CACNB4: variants seen among roughly 807,000 people sequenced by gnomAD.
The protein encoded by CACNB4 is calcium voltage-gated channel auxiliary subunit beta 4.
Under a neutral mutation model 71.2 loss-of-function variants are expected in CACNB4, and 32 were observed. The observed-to-expected ratio is 0.45, with a 90% CI of 0.34 to 0.60. The LOEUF (loss-of-function observed/expected upper bound fraction) is 0.60, where lower values mean the gene tolerates loss of function less well. CACNB4 is among the 20% of genes least tolerant of loss of function. CACNB4 has a pLI of 0.01. For missense variants in CACNB4, 464 were observed against 647.9 expected, an observed-to-expected ratio of 0.72 and a Z score of 3.08; for synonymous variants, 231 against 236.9, an observed-to-expected ratio of 0.97 and a Z score of 0.23.
intron 10 of CACNB4, among the ~76,000 whole-genome samples, chr2:151,856,059 T>C (rs938796644): frequency 6.6e-6 from 1 of 151,056 alleles, no homozygotes; most frequent in Non-Finnish European, 1.5e-5. Flanking sequence ...TGCAAATCTA[T>C]CTGGCTGGCT....
intron 2 of CACNB4, among the ~76,000 whole-genome samples, chr2:151,988,929 A>C (rs1031250442): frequency 6.6e-6 from 1 of 152,210 alleles, no homozygotes; most frequent in African/African-American, 2.4e-5. Flanking sequence ...CTCAATCCAC[A>C]AAAGTCTTCA....
chr2:151,855,876 T>A (rs2099840168), intron 10 of CACNB4, among the ~76,000 whole-genome samples: 1 of 152,186 alleles, frequency 6.6e-6, no homozygotes, highest in South Asian at 2.1e-4. Context: ...GATATGCATA[T>A]TTTTGTACCA....
At chr2:152,074,712 T>C (rs12613480) in intron 2 of CACNB4, among the ~76,000 whole-genome samples, 2,589 of 31,286 alleles carry the variant, frequency 0.083, 641 homozygotes, top group East Asian at 0.34. Flanking sequence ...TTACCACCTC[T>C]ATCATCACCA....
At chr2:152,011,924 T>A (rs1420508701) in intron 2 of CACNB4, among the ~76,000 whole-genome samples, 1 of 152,144 alleles carries the variant, frequency 6.6e-6, no homozygotes, top group Non-Finnish European at 1.5e-5. Context: ...TTACTCAGGT[T>A]TTTGTGACGA....
At chr2:151,954,217 T>C (rs965012272) in intron 2 of CACNB4, among the ~76,000 whole-genome samples, 4 of 152,208 alleles carry the variant, frequency 2.6e-5, no homozygotes, top group African/African-American at 9.6e-5. Context: ...TAAACCAGAG[T>C]GGCATGGTTT....
At chr2:152,022,636 A>G (rs1683731172) in intron 2 of CACNB4, among the ~76,000 whole-genome samples, 1 of 152,250 alleles carries the variant, frequency 6.6e-6, no homozygotes. Flanking sequence ...AATGACCTGC[A>G]ATCTCTACAT....
chr2:152,058,604 C>G (rs1685847267), intron 2 of CACNB4, among the ~76,000 whole-genome samples: 1 of 152,118 alleles, frequency 6.6e-6, no homozygotes, highest in African/African-American at 2.4e-5. Context: ...GAGAGATAAT[C>G]TGAAATTGGA....
chr2:151,969,616 G>C (rs1158406000), intron 2 of CACNB4: 1 of 152,180 alleles, frequency 6.6e-6, no homozygotes, highest in Non-Finnish European at 1.5e-5. Flanking sequence ...ATCTGTATAT[G>C]AATGTAGGTG....
At chr2:151,888,311 C>T (rs1342679653) in intron 2 of CACNB4, among the ~76,000 whole-genome samples, 2 of 152,134 alleles carry the variant, frequency 1.3e-5, no homozygotes, top group Non-Finnish European at 2.9e-5. Flanking sequence ...CCTGAAATCC[C>T]AGCACTTTGG....
rs994615427 is a variant in CACNB4 at position 151,837,186 on chromosome 2, G to A, written c.*1933C>T. The stretch of plus-strand genomic sequence containing the variant: ...TTATAAGCTTCACTAGATGACAGAA[G>A]AATCTCACAAGCCAGTATCACATGT... On this transcript the variant is annotated 3_prime_UTR_variant, in exon 14 of 14. Coordinates refer to ENST00000539935, the MANE Select transcript of CACNB4 (RefSeq NM_000726.5). 6.6e-6 allele frequency: 1 copy of A among 151,994 alleles called. No individual in the cohort carries two copies. The highest frequency in any genetic ancestry group is 1.5e-5 in the Non-Finnish European group (1 of 67,898). 9.4% of individuals were successfully genotyped at this position (151,994 alleles called of 1,614,324 possible). A position where few individuals can be genotyped will look rare whatever the true frequency, so the allele number is the denominator to read the frequency against.
intron 2 of CACNB4, among the ~76,000 whole-genome samples, chr2:152,013,149 C>T (rs931558766): frequency 6.6e-6 from 1 of 152,234 alleles, no homozygotes; most frequent in African/African-American, 2.4e-5. Context: ...TGGTAGGCTA[C>T]ACCATCTAGG....
chr2:152,080,701 C>T (rs1687316199), intron 2 of CACNB4, among the ~76,000 whole-genome samples: 1 of 152,090 alleles, frequency 6.6e-6, no homozygotes, highest in South Asian at 2.1e-4. Flanking sequence ...GATGTTTTGT[C>T]CCCTCCAAAT....
At chr2:151,992,772 C>T (rs768143487) in intron 2 of CACNB4, among the ~76,000 whole-genome samples, 8 of 152,162 alleles carry the variant, frequency 5.3e-5, no homozygotes, top group Non-Finnish European at 7.3e-5. Context: ...TTCAGTCACC[C>T]CTAGAGAAAC....
chr2:152,087,608 C>A (rs1356360582), intron 2 of CACNB4, among the ~76,000 whole-genome samples: 1 of 152,116 alleles, frequency 6.6e-6, no homozygotes, highest in Non-Finnish European at 1.5e-5. Context: ...ACGCCAGCAT[C>A]TACACATTTA....
At chr2:151,992,006 G>A (rs1201185797) in intron 2 of CACNB4, among the ~76,000 whole-genome samples, 1 of 152,204 alleles carries the variant, frequency 6.6e-6, no homozygotes, top group Non-Finnish European at 1.5e-5. Flanking sequence ...ACTTCTAAGC[G>A]AGAGTAAAAT....
chr2:151,978,537 C>T (rs542358582), intron 2 of CACNB4, among the ~76,000 whole-genome samples: 38 of 152,178 alleles, frequency 2.5e-4, no homozygotes, highest in Non-Finnish European at 5.3e-4. Flanking sequence ...GCTACTCTAC[C>T]TTCCTGTGCC....
At chr2:151,903,754 A>G (rs2099854064) in intron 2 of CACNB4, among the ~76,000 whole-genome samples, 1 of 152,158 alleles carries the variant, frequency 6.6e-6, no homozygotes, top group South Asian at 2.1e-4. Flanking sequence ...ATACTCTGAA[A>G]GCTCCCTGCT....
intron 11 of CACNB4, chr2:151,854,719 A>C (rs2099839840): frequency 6.6e-6 from 1 of 152,314 alleles, no homozygotes; most frequent in Non-Finnish European, 1.5e-5. Flanking sequence ...TCGTGGAATA[A>C]CCACATTCTT....
chr2:152,099,047 TG>T, upstream of CACNB4: 1 of 1,456,046 alleles, frequency 6.9e-7, no homozygotes. Flanking sequence ...CCGTGTGCGG[TG>T]GGCGGAGGGG....
Sources: gnomAD v4.1 joint callset for allele counts (sites outside exome capture counted in the v4.1 genomes callset) on GRCh38, gnomAD v4.1.1 for gene constraint, MANE v1.5 for transcripts, NCBI Gene and HGNC (gene_info 2026-07-23, HGNC 2026-07-21) for gene names.